Variants in CMIP observed in about 807,000 individuals in gnomAD.
CMIP encodes C-Maf-inducing protein.
Under a neutral mutation model 97.3 loss-of-function variants are expected in CMIP, and 13 were observed. The ratio of observed to expected loss-of-function variants is 0.13; its 90% confidence interval spans 0.09 to 0.21. CMIP has a LOEUF of 0.21. CMIP is among the 10% of genes least tolerant of loss of function. CMIP has a pLI of 1.00. For missense variants in CMIP, 847 were observed against 1,024.9 expected (o/e 0.83, Z 2.37); for synonymous variants, 538 against 436.3 (o/e 1.23, Z -2.91).
At chr16:81,525,456 C>T (rs1444231137) in intron 1 of CMIP, among the ~76,000 whole-genome samples, 1 of 152,098 alleles carries the variant, frequency 6.6e-6, no homozygotes, top group Non-Finnish European at 1.5e-5. Context: ...ATTTTTATTT[C>T]CTTAATTTTT....
At chr16:81,685,432 C>A (rs977174797) in intron 10 of CMIP, among the ~76,000 whole-genome samples, 1 of 152,314 alleles carries the variant, frequency 6.6e-6, no homozygotes, top group South Asian at 2.1e-4. Flanking sequence ...TCATAGTCCC[C>A]CGTGGGGACC....
intron 1 of CMIP, among the ~76,000 whole-genome samples, chr16:81,513,331 A>T (rs535675732): frequency 3.9e-4 from 59 of 152,332 alleles, no homozygotes; most frequent in African/African-American, 1.3e-3. Context: ...AGGTCCCAGC[A>T]AGAGGCTGGA....
rs60279011 is a variant in CMIP at position 81,546,132 on chromosome 16, C to T, written c.301-61435C>T. On this transcript the variant is annotated intron_variant, in intron 1 of 20. Coordinates refer to ENST00000537098, the MANE Select transcript of CMIP (RefSeq NM_198390.3). The stretch of plus-strand genomic sequence containing the variant: ...ATTCACCCTGGTTCTTACGAGTTAT[C>T]GTGTCTCCTGAAACCTCGTGGGGGC... Among the ~76,000 whole-genome samples, 805 of 152,268 alleles carry T rather than the reference C, an allele frequency of 5.3e-3. 6 individuals carry two copies. Among genetic ancestry groups the T allele is most frequent in the African/African-American group, 0.019 (769 of 41,560 alleles).
intron 1 of CMIP, among the ~76,000 whole-genome samples, chr16:81,502,586 G>T (rs55683214): frequency 0.2 from 29,898 of 152,150 alleles, 3,609 homozygotes; most frequent in Admixed American, 0.31. Context: ...ATGGCTGGGC[G>T]AGGATGGGGA....
chr16:81,541,528 T>C (rs2150839686), intron 1 of CMIP, among the ~76,000 whole-genome samples: 1 of 152,356 alleles, frequency 6.6e-6, no homozygotes, highest in South Asian at 2.1e-4. Flanking sequence ...AGCTGTTTGT[T>C]TACCAAACCT....
chr16:81,634,884 G>A (rs1458918714), intron 3 of CMIP, among the ~76,000 whole-genome samples: 1 of 152,180 alleles, frequency 6.6e-6, no homozygotes, highest in Non-Finnish European at 1.5e-5. Context: ...AAAGTTCTTA[G>A]TGAAATAAAC....
intron 10 of CMIP, among the ~76,000 whole-genome samples, chr16:81,689,946 T>C (rs1489629914): frequency 6.6e-6 from 1 of 152,212 alleles, no homozygotes; most frequent in Non-Finnish European, 1.5e-5. Flanking sequence ...ATCAGGTTTG[T>C]CAAAGATCAG....
chr16:81,688,928 A>G (rs1216722521), intron 10 of CMIP, among the ~76,000 whole-genome samples: 2 of 152,064 alleles, frequency 1.3e-5, no homozygotes, highest in Non-Finnish European at 2.9e-5. Context: ...TGTCCTTGCG[A>G]TAGTTTGCTC....
At chr16:81,557,332 T>A (rs1312896833) in intron 1 of CMIP, among the ~76,000 whole-genome samples, 1 of 134,660 alleles carries the variant, frequency 7.4e-6, no homozygotes, top group Admixed American at 7.0e-5. Context: ...AATTTACTGA[T>A]GTTGGTTGAA....
chr16:81,640,738 A>G (rs74031228), intron 3 of CMIP, among the ~76,000 whole-genome samples: 12,568 of 139,054 alleles, frequency 0.09, 1,171 homozygotes, highest in East Asian at 0.31. Flanking sequence ...TCTCTGGAGC[A>G]TGTGTGTGTG....
Position 81,455,242 on chromosome 16 carries a change from C to G in CMIP, c.300+9701C>G, listed in dbSNP as rs561663242. Among the ~76,000 whole-genome samples the G allele has an allele frequency of 1.1e-4, 16 of 152,300 alleles. No homozygotes were observed. The South Asian group carries it at 3.1e-3, about 30-fold the overall frequency. On this transcript the variant is annotated intron_variant, in intron 1 of 20. Transcript: ENST00000537098. Reference sequence around the variant, plus strand: ...CCAGGCAGTTAGTCACAGTAGTGACCGTGCAGCGGCCACTCGTGTGATTAG... The same window carrying G: ...CCAGGCAGTTAGTCACAGTAGTGACGGTGCAGCGGCCACTCGTGTGATTAG...
chr16:81,560,227 T>TGTTTTG lies in CMIP; in HGVS notation c.301-47340_301-47339insGTTTTG, dbSNP rs200390441. On this transcript the variant is annotated intron_variant, in intron 1 of 20. Coordinates refer to ENST00000537098, the MANE Select transcript of CMIP (RefSeq NM_198390.3). ...GTTTTGTTTTTGTTTTGTTTTGTTT[T>TGTTTTG]TTTTTTTTTGAGACAGAGTCTCGCT... Among the ~76,000 whole-genome samples, 50 of 147,212 alleles carry TGTTTTG rather than the reference T, an allele frequency of 3.4e-4. 1 individual carries two copies. Among genetic ancestry groups the TGTTTTG allele is most frequent in the Admixed American group, 6.7e-4 (10 of 14,896 alleles).
At chr16:81,543,556 C>T (rs1398961284) in intron 1 of CMIP, among the ~76,000 whole-genome samples, 1 of 152,132 alleles carries the variant, frequency 6.6e-6, no homozygotes, top group Non-Finnish European at 1.5e-5. Context: ...GGGGTAAGAT[C>T]TGACCCTTGG....
rs557097559 is a variant in CMIP, at chr16:81,472,393, G to A, written c.300+26852G>A. ...GTTCGTATTTCCAGTGTCCTTCATG[G>A]TGGCTCATCTGGCCGCCCGTTCTGG... On this transcript the variant is annotated intron_variant, in intron 1 of 20. Transcript: ENST00000537098. 2.0e-4 allele frequency among the ~76,000 whole-genome samples: 30 copies of A among 152,320 alleles called. No homozygotes were observed. The South Asian group carries it at 5.8e-3, about 29-fold the overall frequency.
chr16:81,497,954 G>A (rs1456688390), intron 1 of CMIP, among the ~76,000 whole-genome samples: 1 of 152,260 alleles, frequency 6.6e-6, no homozygotes, highest in Non-Finnish European at 1.5e-5. Context: ...CCGACTCTCC[G>A]GTGCTTCCCT....
intron 10 of CMIP, among the ~76,000 whole-genome samples, chr16:81,680,982 G>A (rs922360483): frequency 6.6e-6 from 1 of 152,186 alleles, no homozygotes; most frequent in African/African-American, 2.4e-5. Flanking sequence ...ATGAATGGGG[G>A]CTCTGTTCTC....
rs574435380 is a variant in CMIP at position 81,616,027 on chromosome 16, G to A, written c.427-4849G>A. 1.3e-5 allele frequency among the ~76,000 whole-genome samples: 2 copies of A among 152,230 alleles called. No homozygotes were observed. Among genetic ancestry groups the A allele is most frequent in the South Asian group, 2.1e-4 (1 of 4,824 alleles). The stretch of plus-strand genomic sequence containing the variant: ...CACTGGGGCAGAAGGAGCCGGGCGC[G>A]GTGGGTGGGAGATCTTGGCTGTCTC... On this transcript the variant is annotated intron_variant, in intron 2 of 20. Coordinates refer to ENST00000537098, the MANE Select transcript of CMIP (RefSeq NM_198390.3). This position sits in a 1 kb window ranked among gnomAD's most constrained non-coding sequence, Gnocchi z 4.7.
intron 3 of CMIP, among the ~76,000 whole-genome samples, chr16:81,642,451 TTG>T (rs2092317212): frequency 6.6e-6 from 1 of 152,132 alleles, no homozygotes. Flanking sequence ...AGTTCAGTAA[TTG>T]TGTGGGGTAA....
chr16:81,690,292 G>C (rs1179607074), intron 10 of CMIP, among the ~76,000 whole-genome samples: 1 of 152,198 alleles, frequency 6.6e-6, no homozygotes, highest in Non-Finnish European at 1.5e-5. Flanking sequence ...CATGAGCATG[G>C]AATGTTCTTC....
Sources: allele counts gnomAD v4.1 joint callset (sites outside exome capture counted in the v4.1 genomes callset), GRCh38; gene constraint gnomAD v4.1.1; non-coding constraint Gnocchi (gnomAD v3.1); transcripts MANE v1.5; gene names NCBI Gene and HGNC (gene_info 2026-07-23, HGNC 2026-07-21).